Variants in TRPM3 observed in about 807,000 individuals in gnomAD.
TRPM3 encodes the protein long transient receptor potential channel 3.
Under a neutral mutation model 181.2 loss-of-function variants are expected in TRPM3, and 77 were observed. The ratio of observed to expected loss-of-function variants is 0.42; its 90% CI spans 0.35 to 0.51. The LOEUF (loss-of-function observed/expected upper bound fraction) is 0.51. Among genes scored for constraint, TRPM3 ranks in the 20% least tolerant of loss-of-function variants. TRPM3 has a pLI of 0.01. For synonymous variants in TRPM3, 745 were observed against 796.4 expected (o/e 0.94, Z 1.09); for missense variants, 1,759 against 2,196.7 (o/e 0.80, Z 3.98).
rs1418478864 is a variant in TRPM3 at position 70,535,763 on chromosome 9, C to T, written c.*190G>A. 6.8e-7 allele frequency: 1 copy of T among 1,467,324 alleles called. No homozygotes were observed. Among genetic ancestry groups the T allele is most frequent in the Non-Finnish European group, 8.9e-7 (1 of 1,118,180 alleles). 90.9% of individuals were successfully genotyped at this position (1,467,324 alleles called of 1,614,324 possible). On this transcript the variant is annotated 3_prime_UTR_variant, in exon 26 of 26. Transcript: ENST00000677713. ...TGCCTTAAATCCCCTGTGTCTGGCACTGGGTCAGATCAAATGCTTTCTTGA... is the reference window on the plus strand; with the variant it reads ...TGCCTTAAATCCCCTGTGTCTGGCATTGGGTCAGATCAAATGCTTTCTTGA...
At chr9:70,951,690 T>C (rs1343615652) in intron 1 of TRPM3, among the ~76,000 whole-genome samples, 2 of 152,174 alleles carry the variant, frequency 1.3e-5, no homozygotes, top group East Asian at 1.9e-4. Context: ...GATGTAAGTA[T>C]TGTTGCTTAT....
chr9:71,339,937 C>A (rs2090838845), intron 1 of TRPM3, among the ~76,000 whole-genome samples: 1 of 152,088 alleles, frequency 6.6e-6, no homozygotes, highest in South Asian at 2.1e-4. Context: ...TCAAACAAAT[C>A]TATCTGTATT....
intron 1 of TRPM3, among the ~76,000 whole-genome samples, chr9:71,138,754 G>A (rs893636280): frequency 6.6e-6 from 1 of 152,050 alleles, no homozygotes; most frequent in Non-Finnish European, 1.5e-5. Context: ...ATCATATCAG[G>A]CTTCCTTGGG....
intron 1 of TRPM3, among the ~76,000 whole-genome samples, chr9:71,432,992 C>T (rs1563926428): frequency 2.0e-5 from 3 of 152,134 alleles, no homozygotes; most frequent in African/African-American, 7.2e-5. Flanking sequence ...TATAGTATAA[C>T]TACAGTAAAA....
intron 1 of TRPM3, among the ~76,000 whole-genome samples, chr9:70,962,362 G>A (rs904032201): frequency 3.9e-5 from 6 of 152,064 alleles, no homozygotes; most frequent in Admixed American, 1.3e-4. Flanking sequence ...CCTGTATCAC[G>A]GGCCTGTACA....
chr9:71,232,549 G>A (rs2081126738), intron 1 of TRPM3, among the ~76,000 whole-genome samples: 1 of 140,186 alleles, frequency 7.1e-6, no homozygotes, highest in Admixed American at 7.5e-5. Context: ...CGCCGAGGCT[G>A]GAGTGCGGTG....
chr9:71,113,441 T>TGCTTGATTCAGCAATGGCC (rs1393376292), intron 1 of TRPM3, among the ~76,000 whole-genome samples: 5 of 152,146 alleles, frequency 3.3e-5, no homozygotes, highest in African/African-American at 1.2e-4. Flanking sequence ...AGAGGGAGCT[T>TGCTTGATTCAGCAATGGCC]GCTTGATTCA....
At chr9:71,338,124 C>G (rs752216940) in intron 1 of TRPM3, among the ~76,000 whole-genome samples, 1 of 151,788 alleles carries the variant, frequency 6.6e-6, no homozygotes, top group Non-Finnish European at 1.5e-5. Flanking sequence ...CAAACTTTGG[C>G]AGCGCTGCTC....
chr9:71,289,904 T>C (rs13286390), intron 1 of TRPM3, among the ~76,000 whole-genome samples: 8,622 of 115,738 alleles, frequency 0.074, 403 homozygotes, highest in South Asian at 0.13. Context: ...AAAAAAAAGC[T>C]AGATAAGAAC....
chr9:71,186,963 G>T (rs533357834), intron 1 of TRPM3, among the ~76,000 whole-genome samples: 1 of 151,888 alleles, frequency 6.6e-6, no homozygotes, highest in South Asian at 2.1e-4. Flanking sequence ...AAAATAATAC[G>T]TGATAGTGTA....
At chr9:70,989,057 A>C (rs2097450696) in intron 1 of TRPM3, among the ~76,000 whole-genome samples, 1 of 152,214 alleles carries the variant, frequency 6.6e-6, no homozygotes, top group South Asian at 2.1e-4. Flanking sequence ...CCAGACTTCC[A>C]ACCTACTGAA....
intron 1 of TRPM3, among the ~76,000 whole-genome samples, chr9:70,993,791 AAAAAAAAAAAAAAAG>A (rs1364152275): frequency 8.0e-6 from 1 of 125,668 alleles, no homozygotes; most frequent in Non-Finnish European, 1.7e-5. Flanking sequence ...TCTCAAAAAA[AAAAAAAAAAAAAAAG>A]AAAGAAAGAA....
At chr9:70,751,788 A>G (rs2076169951) in intron 8 of TRPM3, among the ~76,000 whole-genome samples, 1 of 152,120 alleles carries the variant, frequency 6.6e-6, no homozygotes, top group South Asian at 2.1e-4. Flanking sequence ...CTGTTTAGAG[A>G]ATGACTGTAG....
intron 7 of TRPM3, chr9:70,776,529 A>C: frequency 1.4e-6 from 1 of 689,996 alleles, no homozygotes; most frequent in Non-Finnish European, 2.7e-6. Context: ...GGAAATAAGT[A>C]AACTGAATGC....
At chr9:70,850,744 A>T (rs10780975) in intron 3 of TRPM3, among the ~76,000 whole-genome samples, 1 of 151,930 alleles carries the variant, frequency 6.6e-6, no homozygotes, top group African/African-American at 2.4e-5. Context: ...TCCAGAACAG[A>T]TTATTTAGTA....
intron 1 of TRPM3, among the ~76,000 whole-genome samples, chr9:71,073,705 G>A (rs1364830009): frequency 2.0e-5 from 3 of 151,782 alleles, no homozygotes; most frequent in Non-Finnish European, 4.4e-5. Flanking sequence ...TTAAAGCACA[G>A]AGCTTTGCTT....
At position 70,535,395 on chromosome 9, in the gene TRPM3, T is replaced by C. The variant is rs993466902; in HGVS notation, c.*558A>G. On this transcript the variant is annotated 3_prime_UTR_variant, in exon 26 of 26. Transcript: ENST00000677713. ...TACAGAAGTGTTGGCATGAGAAGGA[T>C]GTGGGACGTTAGGTAGAACTGCTTG... The C allele has an allele frequency of 1.8e-5, 28 of 1,549,256 alleles. No homozygotes were observed. In the Admixed American group the frequency reaches 3.9e-4, roughly 22 times the overall value.
rs1029246081 is a variant in TRPM3, at chr9:70,807,577, G to A, written c.973+20270C>T. 3.3e-5 allele frequency among the ~76,000 whole-genome samples: 5 copies of A among 152,062 alleles called. No individual in the cohort carries two copies. In the East Asian group the frequency reaches 9.6e-4, roughly 29 times the overall value. On this transcript the variant is annotated intron_variant, in intron 6 of 25. Transcript: ENST00000677713. The stretch of plus-strand genomic sequence containing the variant: ...AAAGCCAGGGAAATCAAACAGTGAT[G>A]CTTATAATAACAAGTTATTGAGCAC...
At chr9:70,917,070 G>C in intron 1 of TRPM3, 10 of 1,596,620 alleles carry the variant, frequency 6.3e-6, no homozygotes, top group Non-Finnish European at 8.6e-6. Flanking sequence ...TAGCACTGAG[G>C]AAAGCACTGC....
Sources: allele counts gnomAD v4.1 joint callset (sites outside exome capture counted in the v4.1 genomes callset), GRCh38; gene constraint gnomAD v4.1.1; transcripts MANE v1.5; gene names NCBI Gene and HGNC (gene_info 2026-07-23, HGNC 2026-07-21).